The following CHCHD4 variants were observed in gnomAD, a reference collection of about 807,000 sequenced individuals.
CHCHD4 encodes the protein coiled-coil-helix-coiled-coil-helix domain containing 4, also known as mitochondrial intermembrane space import and assembly protein 40.
A neutral mutation model predicts 12.4 loss-of-function variants in CHCHD4; 7 were observed. That is an observed-to-expected ratio of 0.57 (90% CI 0.32 to 1.06). The LOEUF is 1.06. Ranked by LOEUF, CHCHD4 falls within the 50% of genes least tolerant of loss-of-function variation. The probability of loss-of-function intolerance (pLI) is 0.04; values close to 1 mark genes in which losing one functional copy is unlikely to be tolerated. For synonymous variants in CHCHD4, 56 were observed against 58.0 expected, an observed-to-expected ratio of 0.97 and a Z score of 0.16; for missense variants, 143 against 175.1, an observed-to-expected ratio of 0.82 and a Z score of 1.03.
intron 1 of CHCHD4, chr3:14,121,811 GA>G (rs1441554766): frequency 7.6e-6 from 12 of 1,585,334 alleles, no homozygotes; most frequent in Non-Finnish European, 1.0e-5. Context: ...CCCTTTGAAA[GA>G]TACAACTCCC....
At position 14,116,398 on chromosome 3, in the gene CHCHD4, G is replaced by C. The variant is rs745782284; in HGVS notation, c.121+28C>G. 4.8e-6 allele frequency: 7 copies of C among 1,471,906 alleles called. 1 individual carries two copies. Among genetic ancestry groups the C allele is most frequent in the South Asian group, 4.5e-5 (4 of 88,444 alleles). 91.2% of individuals were successfully genotyped at this position (1,471,906 alleles called of 1,614,324 possible). ...AGCTTCTCCCCAGTGCCCTGGTGTG[G>C]GTCCCTGGGAGGCCACATGTCACTC... On this transcript the variant is annotated intron_variant, in intron 2 of 2. Coordinates refer to ENST00000396914, the MANE Select transcript of CHCHD4 (RefSeq NM_001098502.2).
At position 14,112,938 on chromosome 3, in the gene CHCHD4, T is replaced by G. The variant is rs1296594498; in HGVS notation, c.378A>C (p.Glu126Asp). 1 of 1,612,928 alleles carries G rather than the reference T, an allele frequency of 6.2e-7. No homozygotes were observed. Among genetic ancestry groups the G allele is most frequent in the East Asian group, 2.2e-5 (1 of 44,830 alleles). ...REKKPAEQAE[E>D]TAPIEATATK... ...TTGCAGTGGCCTCAATGGGAGCTGT[T>G]TCTTCTGCTTGTTCTGCTGGCTTCT... Residue 126 changes from glutamate (E) to aspartate (D), a missense_variant, in exon 3 of 3, where the codon GAA becomes GAC. Glu to Asp is a conservative substitution (Grantham distance 45). Transcript: ENST00000396914.
Position 14,113,003 on chromosome 3 carries a change from A to G in CHCHD4, c.313T>C (p.Tyr105His). The G allele has an allele frequency of 6.2e-7, 1 of 1,613,828 alleles. No homozygotes were observed. The highest frequency in any genetic ancestry group is 1.1e-5 in the South Asian group (1 of 91,052). The change falls in exon 3 of 3, where the codon TAT becomes CAT. Residue 105 changes from tyrosine (Y) to histidine (H), a missense_variant. Transcript: ENST00000396914. Reference sequence around the variant, plus strand: ...TCCTCATCCTCATCCTCTTGGGGATAGAGGTCTGGGTATTTCTGCATGCAT... The same window carrying G: ...TCCTCATCCTCATCCTCTTGGGGATGGAGGTCTGGGTATTTCTGCATGCAT... ...QECMQKYPDL[Y>H]PQEDEDEEEE...
intron 1 of CHCHD4, chr3:14,122,147 G>T: frequency 6.7e-7 from 1 of 1,499,540 alleles, no homozygotes; most frequent in Admixed American, 2.2e-5. Context: ...GATTGCAAAA[G>T]GTTTTCTTAA....
intron 1 of CHCHD4, 51 bp from the exon 2 acceptor site, chr3:14,116,575 C>T: frequency 1.5e-6 from 2 of 1,373,558 alleles, no homozygotes. Context: ...AGCAGTGAAT[C>T]AGCTTTAAAC....
In CHCHD4 at chr3:14,113,209, T is replaced by TA; in HGVS notation, c.122-16dup. The TA allele has an allele frequency of 1.3e-6, 2 of 1,580,774 alleles. No individual in the cohort carries two copies. The highest frequency in any genetic ancestry group is 1.7e-6 in the Non-Finnish European group (2 of 1,161,366). The stretch of plus-strand genomic sequence containing the variant: ...CAGTATCAATCCTAGAACAGGAAGA[T>TA]AGAGAGATGTTCTCTAAAGTTTCAG... On this transcript the variant is annotated splice_polypyrimidine_tract_variant and intron_variant, in intron 2 of 2. Coordinates refer to ENST00000396914, the MANE Select transcript of CHCHD4 (RefSeq NM_001098502.2).
intron 2 of CHCHD4, 76 bp downstream of exon 2, chr3:14,116,350 T>C (rs949691734): frequency 2.9e-6 from 3 of 1,035,216 alleles, no homozygotes; most frequent in Non-Finnish European, 4.6e-6. Context: ...TAGGAAAACA[T>C]GGGAAAGGAA....
chr3:14,124,778 G>T lies in CHCHD4; in HGVS notation c.-102C>A. On this transcript the variant is annotated 5_prime_UTR_variant, in exon 1 of 3. Transcript: ENST00000396914. Reference sequence around the variant, plus strand: ...CTCTGGCAGGGCGGGCTCCTCCGAAGCCCGCGCGGACCCGCCCCCTCCCAG... The same window carrying T: ...CTCTGGCAGGGCGGGCTCCTCCGAATCCCGCGCGGACCCGCCCCCTCCCAG... The T allele has an allele frequency of 7.4e-7, 1 of 1,343,716 alleles. No homozygotes were observed. The highest frequency in any genetic ancestry group is 9.9e-7 in the Non-Finnish European group (1 of 1,009,584). The allele number at this position is 1,343,716 out of a possible 1,614,324, so 83.2% of individuals were successfully genotyped here. A position where few individuals can be genotyped will look rare whatever the true frequency, so the allele number is the denominator to read the frequency against.
chr3:14,117,299 G>A (rs1196638178), intron 1 of CHCHD4, among the ~76,000 whole-genome samples: 2 of 152,192 alleles, frequency 1.3e-5, no homozygotes, highest in East Asian at 1.9e-4. Flanking sequence ...ACCAGTGAGA[G>A]TCAAATGCAT....
chr3:14,124,767 G>T lies in CHCHD4; in HGVS notation c.-91C>A. 1 of 1,402,946 alleles carries T rather than the reference G, an allele frequency of 7.1e-7. No individual in the cohort carries two copies. The highest frequency in any genetic ancestry group is 1.4e-5 in the South Asian group (1 of 72,612). The allele number at this position is 1,402,946 out of a possible 1,614,324, so 86.9% of individuals were successfully genotyped here. ...ACCTCCCTCTCCTCTGGCAGGGCGG[G>T]CTCCTCCGAAGCCCGCGCGGACCCG... is the stretch of plus-strand genomic sequence containing the variant. On this transcript the variant is annotated 5_prime_UTR_variant, in exon 1 of 3. Transcript: ENST00000396914.
chr3:14,124,143 AACAGTGCCTG>A (rs1294818769), intron 1 of CHCHD4, among the ~76,000 whole-genome samples: 3 of 152,238 alleles, frequency 2.0e-5, no homozygotes, highest in South Asian at 4.1e-4. Context: ...AGTTTCCTTG[AACAGTGCCTG>A]ACAGGTAGCA....
Position 14,123,018 on chromosome 3 carries a change from T to C in CHCHD4, c.22+1637A>G, listed in dbSNP as rs1481155468. Among the ~76,000 whole-genome samples the C allele has an allele frequency of 4.1e-5, 4 of 97,062 alleles. No individual in the cohort carries two copies. The South Asian group carries it at 1.2e-3, about 30-fold the overall frequency. The allele number at this position is 97,062 out of a possible 152,430, so 63.7% of individuals were successfully genotyped here. A position where few individuals can be genotyped will look rare whatever the true frequency, so the allele number is the denominator to read the frequency against. Reference sequence around the variant, plus strand: ...TTGGGATCATTTTTTAAAAATCCTATGGGAAGCATAAAGGATCAGTGGGGG... The same window carrying C: ...TTGGGATCATTTTTTAAAAATCCTACGGGAAGCATAAAGGATCAGTGGGGG... On this transcript the variant is annotated intron_variant, in intron 1 of 2. Coordinates refer to ENST00000396914, the MANE Select transcript of CHCHD4 (RefSeq NM_001098502.2).
At chr3:14,119,256 C>T (rs903989856) in intron 1 of CHCHD4, 1 of 152,236 alleles carries the variant, frequency 6.6e-6, no homozygotes, top group African/African-American at 2.4e-5. Context: ...TGTTTTATTA[C>T]ATCTGTGAGT....
intron 1 of CHCHD4, 89 bp downstream of exon 1, chr3:14,124,566 C>G: frequency 5.4e-6 from 7 of 1,290,824 alleles, no homozygotes; most frequent in Non-Finnish European, 7.1e-6. Context: ...TCAGGTGGCC[C>G]GCGCCCGGCG....
At position 14,113,036 on chromosome 3, in the gene CHCHD4, T is replaced by A. The variant is rs776124874; in HGVS notation, c.280A>T (p.Met94Leu). Residue 94 changes from methionine (M) to leucine (L), a missense_variant, in exon 3 of 3, where the codon ATG (methionine) becomes TTG (leucine). Transcript: ENST00000396914. Reference protein sequence around the residue: ...GSDCVDQFRAMQECMQKYPDL... With the variant: ...GSDCVDQFRALQECMQKYPDL... Reference sequence around the variant, plus strand: ...GGGTATTTCTGCATGCATTCCTGCATGGCCCGGAACTGGTCTACACAGTCT... The same window carrying A: ...GGGTATTTCTGCATGCATTCCTGCAAGGCCCGGAACTGGTCTACACAGTCT... 7 of 1,613,978 alleles carry A rather than the reference T, an allele frequency of 4.3e-6. No homozygotes were observed. The highest frequency in any genetic ancestry group is 5.9e-6 in the Non-Finnish European group (7 of 1,180,036).
rs148750361 is a variant in CHCHD4, at chr3:14,123,804, T to C, written c.22+851A>G. ...GGGAGCTCAGGGCCAAGGAGCCAGT[T>C]TGTGGCAGTGTGTGGGGAGGCCCTC... On this transcript the variant is annotated intron_variant, in intron 1 of 2. Coordinates refer to ENST00000396914, the MANE Select transcript of CHCHD4 (RefSeq NM_001098502.2). Among the ~76,000 whole-genome samples the C allele has an allele frequency of 4.6e-3, 699 of 152,316 alleles. 11 individuals carry two copies. The highest frequency in any genetic ancestry group is 0.016 in the African/African-American group (662 of 41,548).
intron 1 of CHCHD4, among the ~76,000 whole-genome samples, chr3:14,123,247 A>G (rs370959670): frequency 4.6e-5 from 7 of 152,124 alleles, no homozygotes; most frequent in African/African-American, 9.7e-5. Context: ...CCTCCTGTAA[A>G]TCCTCAAAGA....
Position 14,113,090 on chromosome 3 carries a change from G to A in CHCHD4, c.226C>T (p.His76Tyr). 1 of 1,614,106 alleles carries A rather than the reference G, an allele frequency of 6.2e-7. No individual in the cohort carries two copies. Among genetic ancestry groups the A allele is most frequent in the Non-Finnish European group, 8.5e-7 (1 of 1,180,010 alleles). Reference sequence around the variant, plus strand: ...CCCTTGATCTCCTCCGTGCTATAGTGGAAGCAGGAAAAGGCTGACTTAAAC... The same window carrying A: ...CCCTTGATCTCCTCCGTGCTATAGTAGAAGCAGGAAAAGGCTGACTTAAAC... ...EQFKSAFSCF[H>Y]YSTEEIKGSD... The change falls in exon 3 of 3, where the codon CAC becomes TAC. Residue 76 changes from histidine (H) to tyrosine (Y), a missense_variant. By Grantham distance (83) the His-to-Tyr change is moderately conservative. Transcript: ENST00000396914.
intron 1 of CHCHD4, among the ~76,000 whole-genome samples, chr3:14,121,097 G>T (rs1028327407): frequency 6.6e-6 from 1 of 152,142 alleles, no homozygotes; most frequent in Non-Finnish European, 1.5e-5. Context: ...TAGTACACCT[G>T]AAGGGAAAGG....
Sources: gnomAD v4.1 joint callset for allele counts (sites outside exome capture counted in the v4.1 genomes callset) on GRCh38, gnomAD v4.1.1 for gene constraint, MANE v1.5 for transcripts, NCBI Gene and HGNC (gene_info 2026-07-23, HGNC 2026-07-21) for gene names.